Variants in ABCC2 observed in about 807,000 individuals in gnomAD.
ABCC2 encodes ATP binding cassette subfamily C member 2.
ABCC2 carries 157 observed loss-of-function variants against 173.4 expected under a neutral mutation model. The observed-to-expected ratio is 0.91, with a 90% CI of 0.80 to 1.03. The LOEUF (loss-of-function observed/expected upper bound fraction) is 1.03. ABCC2 is among the 50% of genes least tolerant of loss of function. The pLI is 0.00. For synonymous variants in ABCC2, 657 were observed against 693.5 expected (o/e 0.95, Z 0.83); for missense variants, 1,822 against 1,852.3 (o/e 0.98, Z 0.30).
rs1346257988 is a variant in ABCC2, at chr10:99,830,423, C to G, written c.2737C>G (p.Leu913Val). 1 of 1,614,224 alleles carries G rather than the reference C, an allele frequency of 6.2e-7. No individual in the cohort carries two copies. The change falls in exon 20 of 32, where the codon CTT becomes GTT. Residue 913 changes from leucine to valine, a missense_variant. Physicochemically the swap from Leu to Val is conservative, Grantham distance 32. Coordinates refer to ENST00000647814, the MANE Select transcript of ABCC2 (RefSeq NM_000392.5). ...MRRENSFRRTLSRSSRSNGRH... is the reference protein window; with the variant it reads ...MRRENSFRRTVSRSSRSNGRH... ...AAGAGAGAACAGCTTTCGTCGAACA[C>G]TTAGCCGCAGGTTGGCTATCTATTC...
intron 2 of ABCC2, among the ~76,000 whole-genome samples, chr10:99,791,055 G>A (rs777725064): frequency 2.6e-5 from 4 of 152,128 alleles, no homozygotes; most frequent in Non-Finnish European, 5.9e-5. Context: ...CTTTAAAACA[G>A]TGTAATGTGT....
intron 19 of ABCC2, among the ~76,000 whole-genome samples, chr10:99,824,261 T>C (rs1055554931): frequency 1.3e-5 from 2 of 151,010 alleles, no homozygotes; most frequent in African/African-American, 4.9e-5. Context: ...AATAATTTAG[T>C]GTTTTTAATG....
intron 23 of ABCC2, among the ~76,000 whole-genome samples, chr10:99,833,440 T>G (rs923370019): frequency 6.6e-6 from 1 of 152,128 alleles, no homozygotes; most frequent in Admixed American, 6.5e-5. Context: ...TTATATAGTA[T>G]GTTTCGTTGG....
chr10:99,822,140 G>A (rs1485549223), intron 19 of ABCC2, among the ~76,000 whole-genome samples: 2 of 152,106 alleles, frequency 1.3e-5, no homozygotes, highest in East Asian at 1.9e-4. Context: ...GTGACTGCCC[G>A]AATTAAGGGC....
chr10:99,810,346 A>T, intron 14 of ABCC2, 128 bp downstream of exon 14: 1 of 747,930 alleles, frequency 1.3e-6, no homozygotes, highest in Non-Finnish European at 2.4e-6. Flanking sequence ...CTATGCTTGC[A>T]TAAGATACAA....
chr10:99,799,956 G>T (rs577848430), intron 8 of ABCC2, among the ~76,000 whole-genome samples: 10 of 152,312 alleles, frequency 6.6e-5, no homozygotes, highest in African/African-American at 2.4e-4. Flanking sequence ...AATCTCAGCA[G>T]TTTGGGAGAT....
At position 99,842,035 on chromosome 10, in the gene ABCC2, T is replaced by A. The variant is rs2038955645; in HGVS notation, c.3683T>A (p.Ile1228Asn). ...TTCTTTTCAGCCTTGATGATGGTTA[T>A]TTATAGAGATACCCTAAGTGGGGAC... ...TVFFSALMMV[I>N]YRDTLSGDTV... Residue 1228 changes from isoleucine to asparagine, a missense_variant, in exon 26 of 32, where the codon ATT becomes AAT. Transcript: ENST00000647814. 1.9e-6 allele frequency: 3 copies of A among 1,614,106 alleles called. No individual in the cohort carries two copies. In the Admixed American group the frequency reaches 5.0e-5, roughly 27 times the overall value.
At chr10:99,818,682 C>G in intron 17 of ABCC2, 108 bp from the exon 18 acceptor site, 1 of 1,157,992 alleles carries the variant, frequency 8.6e-7, no homozygotes, top group Non-Finnish European at 1.3e-6. Flanking sequence ...GATTTTTAAC[C>G]CCTTGACACC....
intron 13 of ABCC2, among the ~76,000 whole-genome samples, chr10:99,809,483 G>A (rs934222011): frequency 1.3e-5 from 2 of 152,248 alleles, no homozygotes; most frequent in Admixed American, 1.3e-4. Context: ...TGTACCCTAA[G>A]GAGGGAACAG....
intron 24 of ABCC2, among the ~76,000 whole-genome samples, chr10:99,835,051 C>T (rs1396859650): frequency 6.6e-6 from 1 of 152,188 alleles, no homozygotes; most frequent in Non-Finnish European, 1.5e-5. Context: ...CCAGTGTATT[C>T]TTCGAGGGAA....
At position 99,841,098 on chromosome 10, in the gene ABCC2, C is replaced by T. The variant is rs893868641; in HGVS notation, c.3615-869C>T. The stretch of plus-strand genomic sequence containing the variant: ...CTGTGGCCAACTTGCACCTAACTTC[C>T]TTTCACCCTCAGCTTCTTCTTCCCC... On this transcript the variant is annotated intron_variant, in intron 25 of 31. Transcript: ENST00000647814. Among the ~76,000 whole-genome samples, 3 of 152,202 alleles carry T rather than the reference C, an allele frequency of 2.0e-5. No homozygotes were observed. In the South Asian group the frequency reaches 6.2e-4, roughly 31 times the overall value.
chr10:99,851,600 G>T lies in ABCC2; in HGVS notation c.4607G>T (p.Gly1536Val), dbSNP rs1474538077. ...GPFYFMAKEA[G>V]IENVNSTKF ...TTTTACTTTATGGCTAAGGAAGCTG[G>T]CATTGAGAATGTGAACAGCACAAAA... is the stretch of plus-strand genomic sequence containing the variant. Residue 1536 changes from glycine to valine, a missense_variant, in exon 32 of 32, where the codon GGC becomes GTC. By Grantham distance (109) the Gly-to-Val change is moderately radical. Transcript: ENST00000647814. 6.2e-7 allele frequency: 1 copy of T among 1,614,162 alleles called. No homozygotes were observed. Among genetic ancestry groups the T allele is most frequent in the Non-Finnish European group, 8.5e-7 (1 of 1,180,030 alleles).
Position 99,811,584 on chromosome 10 carries a change from C to T in ABCC2, c.1949C>T (p.Ser650Leu), listed in dbSNP as rs755485165. The T allele has an allele frequency of 1.1e-5, 17 of 1,613,966 alleles. No homozygotes were observed. The East Asian group carries it at 1.6e-4, about 15-fold the overall frequency. ...SEASFTWEHD[S>L]EATVRDVNLD... ...GCCTCCTTTACCTGGGAACATGATTCGGAAGCCACAGTCCGAGAGTGAGTT... is the reference window on the plus strand; with the variant it reads ...GCCTCCTTTACCTGGGAACATGATTTGGAAGCCACAGTCCGAGAGTGAGTT... Residue 650 changes from serine (S) to leucine (L), a missense_variant, in exon 15 of 32, where the codon TCG (serine) becomes TTG (leucine). By Grantham distance (145) the Ser-to-Leu change is moderately radical (BLOSUM62 -2). Coordinates refer to ENST00000647814, the MANE Select transcript of ABCC2 (RefSeq NM_000392.5).
chr10:99,790,288 G>A (rs1278705915), intron 2 of ABCC2, among the ~76,000 whole-genome samples: 2 of 151,996 alleles, frequency 1.3e-5, no homozygotes, highest in East Asian at 3.9e-4. Context: ...CTTTCAAATT[G>A]TATTCTCATA....
intron 9 of ABCC2, among the ~76,000 whole-genome samples, chr10:99,801,843 G>C (rs1454366420): frequency 1.3e-5 from 2 of 148,710 alleles, no homozygotes; most frequent in African/African-American, 2.6e-5. Flanking sequence ...CTGTGTCTTT[G>C]TCTTCCCTGA....
chr10:99,835,962 G>T (rs542138435), intron 24 of ABCC2, 129 bp from the exon 25 acceptor site: 14 of 900,184 alleles, frequency 1.6e-5, no homozygotes, highest in Non-Finnish European at 2.3e-5. Flanking sequence ...GGCACTGCAG[G>T]CTTTTGTCTT....
chr10:99,788,556 A>C (rs556599705), intron 2 of ABCC2: 8 of 152,648 alleles, frequency 5.2e-5, no homozygotes, highest in African/African-American at 1.7e-4. Context: ...TAATATATTC[A>C]TCTCCACACG....
At position 99,813,085 on chromosome 10, in the gene ABCC2, T is replaced by C. The variant is rs773379718; in HGVS notation, c.2035T>C (p.Ser679Pro). 1.2e-6 allele frequency: 2 copies of C among 1,614,090 alleles called. No homozygotes were observed. The highest frequency in any genetic ancestry group is 1.1e-5 in the South Asian group (1 of 91,088). The change falls in exon 16 of 32, where the codon TCC becomes CCC. Residue 679 changes from serine to proline, a missense_variant. Coordinates refer to ENST00000647814, the MANE Select transcript of ABCC2 (RefSeq NM_000392.5). ...AGGCCCTGTCGGCTCTGGGAAATCC[T>C]CCTTGATATCAGCCATGCTGGGAGA... ...VIGPVGSGKS[S>P]LISAMLGEME...
Position 99,804,102 on chromosome 10 carries a change from C to T in ABCC2, c.1293C>T (p.Leu431=), listed in dbSNP as rs750664384. ...TGATGTCTGTGGATGCCCAGAAGCTCATGGATGTGACCAACTTCATGCACA... is the reference window on the plus strand; with the variant it reads ...TGATGTCTGTGGATGCCCAGAAGCTTATGGATGTGACCAACTTCATGCACA... ...VNLMSVDAQK[L]MDVTNFMHML... The change falls in exon 10 of 32, where the codon CTC becomes CTT. Residue 431 remains leucine, a synonymous_variant. Coordinates refer to ENST00000647814, the MANE Select transcript of ABCC2 (RefSeq NM_000392.5). The T allele has an allele frequency of 6.2e-7, 1 of 1,614,162 alleles. No individual in the cohort carries two copies. The highest frequency in any genetic ancestry group is 8.5e-7 in the Non-Finnish European group (1 of 1,180,026).
Sources: allele counts gnomAD v4.1 joint callset (sites outside exome capture counted in the v4.1 genomes callset), GRCh38; gene constraint gnomAD v4.1.1; transcripts MANE v1.5; gene names NCBI Gene and HGNC (gene_info 2026-07-23, HGNC 2026-07-21).